Variants in TRAFD1 observed in about 807,000 individuals in gnomAD.
TRAFD1 encodes the protein TRAF-type zinc finger domain-containing protein 1.
In TRAFD1, 38 loss-of-function variants were observed where a neutral mutation model predicts 65.3. The observed-to-expected ratio is 0.58, with a 90% CI of 0.45 to 0.76. The LOEUF (loss-of-function observed/expected upper bound fraction) is 0.76, where lower values mean the gene tolerates loss of function less well. TRAFD1 is among the 30% of genes least tolerant of loss of function. TRAFD1 has a pLI of 0.00. For missense variants in TRAFD1, 631 were observed against 712.6 expected (o/e 0.89, Z 1.30); for synonymous variants, 223 against 257.2 (o/e 0.87, Z 1.27).
chr12:112,145,505 A>T, intron 6 of TRAFD1, 81 bp from the exon 7 acceptor site: 2 of 1,381,312 alleles, frequency 1.4e-6, no homozygotes, highest in Non-Finnish European at 2.0e-6. Context: ...CTTCTATATA[A>T]GACCCCATAA....
chr12:112,133,663 C>T (rs150164037), intron 2 of TRAFD1, among the ~76,000 whole-genome samples: 17 of 151,246 alleles, frequency 1.1e-4, no homozygotes, highest in African/African-American at 2.9e-4. Context: ...TGCATAGCAC[C>T]GGTAACTCAG....
intron 1 of TRAFD1, among the ~76,000 whole-genome samples, chr12:112,129,788 A>C (rs1214652597): frequency 6.6e-6 from 1 of 151,754 alleles, no homozygotes; most frequent in Non-Finnish European, 1.5e-5. Context: ...GATTACAGGC[A>C]TGCGCCACCA....
chr12:112,152,709 T>A lies in TRAFD1; in HGVS notation c.1693-26T>A. 6.2e-7 allele frequency: 1 copy of A among 1,614,086 alleles called. No homozygotes were observed. The highest frequency in any genetic ancestry group is 1.1e-5 in the South Asian group (1 of 91,064). On this transcript the variant is annotated intron_variant, in intron 11 of 11. Coordinates refer to ENST00000412615, the MANE Select transcript of TRAFD1 (RefSeq NM_006700.3). This position sits in a 1 kb window ranked among gnomAD's most constrained non-coding sequence, Gnocchi z 5.0. ...TGCTTTTTCACTTTTTATGTAAAGC[T>A]TCGTTTGTGTTGTGTTGTTCACCAG...
chr12:112,133,032 C>T (rs2034907183), intron 2 of TRAFD1: 2 of 152,112 alleles, frequency 1.3e-5, no homozygotes, highest in African/African-American at 4.8e-5. Flanking sequence ...AAAGTAAGGC[C>T]TTTGAATAGA....
At chr12:112,141,615 G>A (rs1201570225) in intron 5 of TRAFD1, 1 of 208,492 alleles carries the variant, frequency 4.8e-6, no homozygotes, top group African/African-American at 2.3e-5. Context: ...TGCCCAAAAA[G>A]TTTCAAATTT....
chr12:112,137,634 C>T lies in TRAFD1; in HGVS notation c.237+2568C>T, dbSNP rs535691635. On this transcript the variant is annotated intron_variant, in intron 4 of 11. Coordinates refer to ENST00000412615, the MANE Select transcript of TRAFD1 (RefSeq NM_006700.3). This position sits in a 1 kb window ranked among gnomAD's most constrained non-coding sequence, Gnocchi z 4.2. ...AAAATTAGCTGGGCGTGGTGGCGGG[C>T]GCCTATAGTCCCAGCTACTTGGGAG... Among the ~76,000 whole-genome samples, 10 of 152,142 alleles carry T rather than the reference C, an allele frequency of 6.6e-5. No homozygotes were observed. The highest frequency in any genetic ancestry group is 1.9e-4 in the African/African-American group (8 of 41,508).
intron 2 of TRAFD1, among the ~76,000 whole-genome samples, chr12:112,133,767 T>C (rs1353950490): frequency 2.0e-5 from 3 of 150,962 alleles, no homozygotes; most frequent in African/African-American, 7.3e-5. Context: ...TGCAGTGGCA[T>C]GATCTCAGCT....
intron 4 of TRAFD1, among the ~76,000 whole-genome samples, chr12:112,138,445 G>T (rs2029979287): frequency 6.6e-6 from 1 of 151,962 alleles, no homozygotes; most frequent in African/African-American, 2.4e-5. Context: ...AGCTACTCGG[G>T]AGGCTGAGGC....
Position 112,153,218 on chromosome 12 carries a change from G to GA in TRAFD1, c.*427_*428insA. 1 of 176,614 alleles carries GA rather than the reference G, an allele frequency of 5.7e-6. No individual in the cohort carries two copies. The highest frequency in any genetic ancestry group is 1.6e-4 in the East Asian group (1 of 6,210). 10.9% of individuals were successfully genotyped at this position (176,614 alleles called of 1,614,324 possible). A position where few individuals can be genotyped will look rare whatever the true frequency, so the allele number is the denominator to read the frequency against. On this transcript the variant is annotated 3_prime_UTR_variant, in exon 12 of 12. Coordinates refer to ENST00000412615, the MANE Select transcript of TRAFD1 (RefSeq NM_006700.3). ...CTTTTGGGCAACCTCTCCGTGTACT[G>GA]CGTCTGTCCACACTCGATTGGGCCC... is the stretch of plus-strand genomic sequence containing the variant.
intron 4 of TRAFD1, among the ~76,000 whole-genome samples, chr12:112,138,117 C>T (rs2029972288): frequency 6.6e-6 from 1 of 152,056 alleles, no homozygotes; most frequent in Admixed American, 6.6e-5. Flanking sequence ...TGGTCCGTTC[C>T]TGTAGTCCCA....
chr12:112,150,201 GCCC>G (rs2030362807), intron 9 of TRAFD1, among the ~76,000 whole-genome samples: 1 of 152,042 alleles, frequency 6.6e-6, no homozygotes, highest in Non-Finnish European at 1.5e-5. Context: ...GCTACCCTGG[GCCC>G]CCATTTCAAG....
rs1031167985 is a variant in TRAFD1 at position 112,130,061 on chromosome 12, T to G, written c.-12-450T>G. Among the ~76,000 whole-genome samples, 1 of 151,600 alleles carries G rather than the reference T, an allele frequency of 6.6e-6. No individual in the cohort carries two copies. The highest frequency in any genetic ancestry group is 1.5e-5 in the Non-Finnish European group (1 of 67,904). ...AACTCCTAGGCTTAAGCATTCCTCTTGCACATTCCTCCTGCCTCGGCCTCT... is the reference window on the plus strand; with the variant it reads ...AACTCCTAGGCTTAAGCATTCCTCTGGCACATTCCTCCTGCCTCGGCCTCT... On this transcript the variant is annotated intron_variant, in intron 1 of 11. Coordinates refer to ENST00000412615, the MANE Select transcript of TRAFD1 (RefSeq NM_006700.3). The surrounding 1 kb of genome is among the most constrained non-coding windows in gnomAD (Gnocchi z 4.4).
At chr12:112,136,894 A>G (rs1297852661) in intron 4 of TRAFD1, among the ~76,000 whole-genome samples, 1 of 152,236 alleles carries the variant, frequency 6.6e-6, no homozygotes, top group African/African-American at 2.4e-5. Context: ...CATCTGGCCA[A>G]AACTGGCCAA....
Position 112,152,260 on chromosome 12 carries a change from G to GT in TRAFD1, c.1619+121dup. The GT allele has an allele frequency of 7.1e-7, 1 of 1,408,740 alleles. No homozygotes were observed. The highest frequency in any genetic ancestry group is 9.7e-7 in the Non-Finnish European group (1 of 1,033,926). The allele number at this position is 1,408,740 out of a possible 1,614,324, so 87.3% of individuals were successfully genotyped here. On this transcript the variant is annotated intron_variant, in intron 10 of 11. Coordinates refer to ENST00000412615, the MANE Select transcript of TRAFD1 (RefSeq NM_006700.3). This position sits in a 1 kb window ranked among gnomAD's most constrained non-coding sequence, Gnocchi z 5.0. ...AGGTACTTGCATGGTAAGGGGAGGA[G>GT]TATGGATTTTCCCTGTATTGTCACC... is the stretch of plus-strand genomic sequence containing the variant.
intron 7 of TRAFD1, among the ~76,000 whole-genome samples, chr12:112,147,789 G>C (rs1054601586): frequency 1.3e-5 from 2 of 151,620 alleles, no homozygotes; most frequent in African/African-American, 4.9e-5. Context: ...CTCTGCCTCA[G>C]CCTCCCAGGT....
chr12:112,149,505 C>T, intron 8 of TRAFD1: 1 of 373,130 alleles, frequency 2.7e-6, no homozygotes, highest in Non-Finnish European at 4.9e-6. Context: ...AAATGTTTTT[C>T]TGGGCTCCAA....
At chr12:112,135,450 T>C (rs2079593565) in intron 4 of TRAFD1, among the ~76,000 whole-genome samples, 1 of 152,182 alleles carries the variant, frequency 6.6e-6, no homozygotes, top group Admixed American at 6.5e-5. Flanking sequence ...TGTTTGTTTT[T>C]TGAGACGGAG....
In TRAFD1 at chr12:112,148,111, A is replaced by G. The variant is rs760230111; in HGVS notation, c.965A>G (p.Asn322Ser). The change falls in exon 8 of 12, where the codon AAT becomes AGT. Residue 322 changes from asparagine to serine, a missense_variant. By Grantham distance (46) the Asn-to-Ser change is conservative. Transcript: ENST00000412615. ...CNPSRALPSLNTGSSSPRGVE... is the reference protein window; with the variant it reads ...CNPSRALPSLSTGSSSPRGVE... Reference sequence around the variant, plus strand: ...CCTTCACGTGCCTTACCTTCACTCAATACTGGCAGCTCTTCCCCCAGAGGG... The same window carrying G: ...CCTTCACGTGCCTTACCTTCACTCAGTACTGGCAGCTCTTCCCCCAGAGGG... The G allele has an allele frequency of 6.8e-6, 11 of 1,614,060 alleles. No individual in the cohort carries two copies. Among genetic ancestry groups the G allele is most frequent in the Admixed American group, 3.3e-5 (2 of 60,008 alleles).
At position 112,151,069 on chromosome 12, in the gene TRAFD1, C is replaced by G. The variant is rs1329590980; in HGVS notation, c.1280-732C>G. Among the ~76,000 whole-genome samples, 3 of 151,854 alleles carry G rather than the reference C, an allele frequency of 2.0e-5. No homozygotes were observed. In the South Asian group the frequency reaches 6.2e-4, roughly 31 times the overall value. Reference sequence around the variant, plus strand: ...CCTGGCTGACATCATGAAACCCCGTCTCTACTAAAAATACAAAAATTAGCC... The same window carrying G: ...CCTGGCTGACATCATGAAACCCCGTGTCTACTAAAAATACAAAAATTAGCC... On this transcript the variant is annotated intron_variant, in intron 9 of 11. Transcript: ENST00000412615.
Sources: allele counts gnomAD v4.1 joint callset (sites outside exome capture counted in the v4.1 genomes callset), GRCh38; gene constraint gnomAD v4.1.1; non-coding constraint Gnocchi (gnomAD v3.1); transcripts MANE v1.5; gene names NCBI Gene and HGNC (gene_info 2026-07-23, HGNC 2026-07-21).